The following AP4E1 variants were observed in gnomAD, a reference collection of about 807,000 sequenced individuals.
AP4E1 encodes adaptor related protein complex 4 subunit epsilon 1, also known as AP-4 complex subunit epsilon-1.
In AP4E1, 56 loss-of-function variants were observed where a neutral mutation model predicts 128.2. The ratio of observed to expected loss-of-function variants is 0.44; its 90% CI spans 0.35 to 0.55. AP4E1 has a LOEUF of 0.55. Among genes scored for constraint, AP4E1 ranks in the 20% least tolerant of loss-of-function variants. The probability of loss-of-function intolerance (pLI) is 0.00; values close to 1 mark genes in which losing one functional copy is unlikely to be tolerated. For missense variants in AP4E1, 1,324 were observed against 1,307.7 expected, an observed-to-expected ratio of 1.01 and a Z score of -0.19; for synonymous variants, 484 against 473.1, an observed-to-expected ratio of 1.02 and a Z score of -0.30.
At chr15:50,934,522 C>G (rs904720401) in intron 7 of AP4E1, 102 bp from the exon 8 acceptor site, 4 of 750,128 alleles carry the variant, frequency 5.3e-6, no homozygotes, top group Non-Finnish European at 9.2e-6. Flanking sequence ...ATTTCTTTCA[C>G]TTCTCTTCTG....
At chr15:50,919,090 C>T (rs2063662915) in intron 3 of AP4E1, among the ~76,000 whole-genome samples, 1 of 151,490 alleles carries the variant, frequency 6.6e-6, no homozygotes, top group South Asian at 2.1e-4. Flanking sequence ...ATTAGCCAGG[C>T]ATGGTGGTGG....
chr15:50,925,019 G>A, intron 4 of AP4E1, 79 bp from the exon 5 acceptor site: 1 of 1,514,846 alleles, frequency 6.6e-7, no homozygotes, highest in Non-Finnish European at 9.1e-7. Flanking sequence ...TAAGTATATA[G>A]GACCATTACA....
intron 15 of AP4E1, among the ~76,000 whole-genome samples, chr15:50,972,541 A>G (rs773208957): frequency 2.0e-5 from 3 of 152,064 alleles, no homozygotes; most frequent in Admixed American, 1.3e-4. Flanking sequence ...AATCTACACT[A>G]GTGGTATTTG....
At position 50,929,126 on chromosome 15, in the gene AP4E1, G is replaced by A. The variant is rs767675572; in HGVS notation, c.660G>A (p.Gly220=). ...FRKALCDRDV[G]VMAASLHIYL... ...AAGCACTTTGTGACAGAGATGTTGG[G>A]GTCATGGCTGCCTCCTTGCATATAT... is the stretch of plus-strand genomic sequence containing the variant. The change falls in exon 6 of 21, where the codon GGG becomes GGA. Residue 220 remains glycine, a synonymous_variant. Transcript: ENST00000261842. 8 of 1,613,676 alleles carry A rather than the reference G, an allele frequency of 5.0e-6. No homozygotes were observed. The Admixed American group carries it at 1.2e-4, about 24-fold the overall frequency.
Position 50,941,692 on chromosome 15 carries a change from CA to C in AP4E1, c.1095del (p.Gln365HisfsTer12). On this transcript the variant is annotated frameshift_variant, in exon 10 of 21. Transcript: ENST00000261842. LOFTEE classifies it high-confidence loss of function. Reference protein sequence around the residue: ...LGLKALTYVIQQDPTLALQHQ... With the variant: ...LGLKALTYVIXQDPTLALQHQ... Reference sequence around the variant, plus strand: ...ACTGAAGGCTCTTACCTATGTTATCCAACAGGATCCTACTCTGGCTCTTCAA... The same window carrying C: ...ACTGAAGGCTCTTACCTATGTTATCCACAGGATCCTACTCTGGCTCTTCAA... 1 of 1,613,460 alleles carries C rather than the reference CA, an allele frequency of 6.2e-7. No individual in the cohort carries two copies. The highest frequency in any genetic ancestry group is 8.5e-7 in the Non-Finnish European group (1 of 1,179,652).
intron 6 of AP4E1, among the ~76,000 whole-genome samples, chr15:50,929,996 C>T (rs2063813007): frequency 6.6e-6 from 1 of 151,460 alleles, no homozygotes; most frequent in African/African-American, 2.4e-5. Flanking sequence ...TCAAGGCACA[C>T]TCCTTCAGAA....
intron 13 of AP4E1, among the ~76,000 whole-genome samples, chr15:50,955,404 G>T (rs947853084): frequency 6.6e-6 from 1 of 152,120 alleles, no homozygotes; most frequent in Non-Finnish European, 1.5e-5. Context: ...TCTCATTGTG[G>T]TTTTGATTAG....
intron 14 of AP4E1, among the ~76,000 whole-genome samples, chr15:50,961,721 C>G (rs2064316750): frequency 6.6e-6 from 1 of 152,120 alleles, no homozygotes; most frequent in Middle Eastern, 3.4e-3. Context: ...TTTCATCACT[C>G]CTATTCAACA....
intron 10 of AP4E1, among the ~76,000 whole-genome samples, chr15:50,942,583 A>G (rs936671961): frequency 1.3e-5 from 2 of 150,378 alleles, no homozygotes; most frequent in African/African-American, 4.9e-5. Context: ...GCTTAATAAT[A>G]TCATCATCAT....
intron 17 of AP4E1, among the ~76,000 whole-genome samples, chr15:50,995,239 C>G (rs905237433): frequency 2.0e-5 from 3 of 152,070 alleles, no homozygotes; most frequent in South Asian, 2.1e-4. Context: ...ATTTTTCTTA[C>G]GTTTAGCGTT....
intron 17 of AP4E1, among the ~76,000 whole-genome samples, chr15:50,995,786 A>G (rs1156721450): frequency 6.6e-6 from 1 of 151,890 alleles, no homozygotes; most frequent in Non-Finnish European, 1.5e-5. Context: ...GTCTTCTGGC[A>G]TGTATAGCTT....
chr15:50,985,381 G>A (rs1567256719), intron 16 of AP4E1, among the ~76,000 whole-genome samples: 1 of 152,138 alleles, frequency 6.6e-6, no homozygotes. Flanking sequence ...TGAAGTCTTT[G>A]CCCATGCCTA....
At chr15:50,940,401 G>GT (rs1018329258) in intron 8 of AP4E1, among the ~76,000 whole-genome samples, 5 of 151,908 alleles carry the variant, frequency 3.3e-5, no homozygotes, top group African/African-American at 1.2e-4. Context: ...GTTTATAGAA[G>GT]TTTTTTCCAC....
intron 13 of AP4E1, among the ~76,000 whole-genome samples, chr15:50,955,351 C>T (rs960247198): frequency 6.6e-6 from 1 of 152,102 alleles, no homozygotes; most frequent in African/African-American, 2.4e-5. Flanking sequence ...CTGTTGTTTC[C>T]TGACTTTTTA....
Position 50,999,055 on chromosome 15 carries a change from A to G in AP4E1, c.2905-17A>G. On this transcript the variant is annotated splice_polypyrimidine_tract_variant and intron_variant, in intron 18 of 20. Transcript: ENST00000261842. Reference sequence around the variant, plus strand: ...GATCCCTTCCTTCTTCAACACTTTTATTACTTCTATTTGCAGGTGACTGAG... The same window carrying G: ...GATCCCTTCCTTCTTCAACACTTTTGTTACTTCTATTTGCAGGTGACTGAG... 6.2e-7 allele frequency: 1 copy of G among 1,613,006 alleles called. No homozygotes were observed. The highest frequency in any genetic ancestry group is 2.2e-5 in the East Asian group (1 of 44,842).
At chr15:50,927,954 A>G (rs1217615797) in intron 5 of AP4E1, among the ~76,000 whole-genome samples, 1 of 152,140 alleles carries the variant, frequency 6.6e-6, no homozygotes, top group Admixed American at 6.5e-5. Context: ...AATAGACAAG[A>G]GAGAGAATTT....
intron 14 of AP4E1, among the ~76,000 whole-genome samples, chr15:50,966,805 G>A (rs1407636123): frequency 1.3e-5 from 2 of 152,194 alleles, no homozygotes; most frequent in African/African-American, 4.8e-5. Context: ...CCAGAGTGCT[G>A]GGATTACAGG....
chr15:50,940,993 A>C (rs578043555), intron 8 of AP4E1, among the ~76,000 whole-genome samples: 1 of 152,280 alleles, frequency 6.6e-6, no homozygotes, highest in South Asian at 2.1e-4. Flanking sequence ...AAATGGTCGA[A>C]ACTATTTGAG....
chr15:50,944,657 CA>C (rs2064033621), intron 10 of AP4E1: 1 of 378,678 alleles, frequency 2.6e-6, no homozygotes, highest in Non-Finnish European at 4.8e-6. Context: ...GAAGAGCAAC[CA>C]AGATGAGGAT....
Sources: allele counts gnomAD v4.1 joint callset (sites outside exome capture counted in the v4.1 genomes callset), GRCh38; gene constraint gnomAD v4.1.1; transcripts MANE v1.5; gene names NCBI Gene and HGNC (gene_info 2026-07-23, HGNC 2026-07-21).